The following LRBA variants were observed in gnomAD, a reference collection of about 807,000 sequenced individuals.
The protein encoded by LRBA is LPS responsive beige-like anchor protein, also known as lipopolysaccharide-responsive and beige-like anchor protein.
LRBA carries 176 observed loss-of-function variants against 330.0 expected under a neutral mutation model. The observed-to-expected ratio is 0.53, with a 90% CI of 0.47 to 0.60. The LOEUF is 0.60. LRBA is among the 20% of genes least tolerant of loss of function. LRBA has a pLI of 0.00. For missense variants in LRBA, 3,259 were observed against 3,444.8 expected (o/e 0.95, Z 1.35); for synonymous variants, 1,230 against 1,193.0 (o/e 1.03, Z -0.64).
chr4:150,373,534 T>C (rs1022041436), intron 47 of LRBA, among the ~76,000 whole-genome samples: 5 of 152,198 alleles, frequency 3.3e-5, no homozygotes, highest in Non-Finnish European at 5.9e-5. Flanking sequence ...CTTCTACATA[T>C]GGGCTGCCAT....
intron 47 of LRBA, among the ~76,000 whole-genome samples, chr4:150,380,899 T>G (rs1178830523): frequency 1.4e-5 from 2 of 146,310 alleles, no homozygotes; most frequent in Admixed American, 1.4e-4. Context: ...GGAGAATCAC[T>G]TGAACTGGGG....
chr4:150,910,716 AT>A (rs1731892477), intron 9 of LRBA, among the ~76,000 whole-genome samples: 1 of 152,124 alleles, frequency 6.6e-6, no homozygotes, highest in Non-Finnish European at 1.5e-5. Flanking sequence ...TGCCATTGGG[AT>A]TTTGATAAGA....
intron 37 of LRBA, among the ~76,000 whole-genome samples, chr4:150,614,160 C>A (rs528664109): frequency 6.6e-6 from 1 of 152,158 alleles, no homozygotes; most frequent in Non-Finnish European, 1.5e-5. Flanking sequence ...TGATTAAAGG[C>A]TTACCCTTTC....
intron 40 of LRBA, among the ~76,000 whole-genome samples, chr4:150,563,650 A>C (rs879850694): frequency 6.6e-6 from 1 of 152,210 alleles, no homozygotes; most frequent in Non-Finnish European, 1.5e-5. Context: ...ATATCAGCCC[A>C]AAAACTCCTT....
At chr4:150,373,030 T>G (rs111685737) in intron 47 of LRBA, among the ~76,000 whole-genome samples, 7 of 152,094 alleles carry the variant, frequency 4.6e-5, no homozygotes, top group African/African-American at 1.7e-4. Flanking sequence ...CCTGCCAACA[T>G]GTCAACAATG....
intron 47 of LRBA, among the ~76,000 whole-genome samples, chr4:150,358,886 C>T (rs1738265091): frequency 6.6e-6 from 1 of 152,188 alleles, no homozygotes; most frequent in African/African-American, 2.4e-5. Context: ...AGAATCTCTA[C>T]TTATTGCCAG....
At chr4:150,620,566 C>G (rs905382430) in intron 37 of LRBA, among the ~76,000 whole-genome samples, 4 of 152,092 alleles carry the variant, frequency 2.6e-5, no homozygotes, top group African/African-American at 9.6e-5. Flanking sequence ...AAGTGCCCAT[C>G]GAACAATGAA....
chr4:150,676,198 T>G (rs926518154), intron 37 of LRBA, among the ~76,000 whole-genome samples: 2 of 152,200 alleles, frequency 1.3e-5, no homozygotes, highest in African/African-American at 4.8e-5. Context: ...TGCACAGTGC[T>G]CTTTCCATAA....
chr4:150,861,118 G>A (rs1430115587), intron 22 of LRBA, among the ~76,000 whole-genome samples: 2 of 152,028 alleles, frequency 1.3e-5, no homozygotes, highest in African/African-American at 4.8e-5. Context: ...TTTAACAAAA[G>A]ACTGAGTCTC....
Position 150,852,252 on chromosome 4 carries a change from T to C in LRBA, c.3458A>G (p.Lys1153Arg). 6.2e-7 allele frequency: 1 copy of C among 1,614,070 alleles called. No individual in the cohort carries two copies. Among genetic ancestry groups the C allele is most frequent in the Non-Finnish European group, 8.5e-7 (1 of 1,179,984 alleles). ...AGGTTTTCCTTCTTGAAATATTAAT[T>C]TGTCATCATTACCAAACATGTCCAG... is the stretch of plus-strand genomic sequence containing the variant. ...EKLDMFGNDD[K>R]LIFQEGKPVT... is the part of the protein sequence containing the mutation. Residue 1153 changes from lysine to arginine, a missense_variant, in exon 23 of 57, where the codon AAA (lysine) becomes AGA (arginine). Transcript: ENST00000651943.
chr4:150,798,088 C>T lies in LRBA; in HGVS notation c.5573G>A (p.Cys1858Tyr). ...SSVVELVMLL[C>Y]SQEWQNSIQK... is the part of the protein sequence containing the mutation. ...TTTATTCTTGCCACTCACCTGAGAA[C>T]ACAGTAGCATAACCAATTCCACAAC... Residue 1858 changes from cysteine (C) to tyrosine (Y), a missense_variant, in exon 34 of 57, where the codon TGT becomes TAT. Physicochemically the swap from Cys to Tyr is radical, Grantham distance 194 (BLOSUM62 -2). Coordinates refer to ENST00000651943, the MANE Select transcript of LRBA (RefSeq NM_001364905.1). 6.2e-7 allele frequency: 1 copy of T among 1,603,154 alleles called. No homozygotes were observed. The highest frequency in any genetic ancestry group is 8.5e-7 in the Non-Finnish European group (1 of 1,170,562).
intron 17 of LRBA, among the ~76,000 whole-genome samples, chr4:150,881,864 A>G (rs1044467810): frequency 6.6e-6 from 1 of 152,196 alleles, no homozygotes; most frequent in Non-Finnish European, 1.5e-5. Flanking sequence ...AGGTGGGCGG[A>G]TCACCTGAGG....
At chr4:150,924,846 T>C (rs561111177) in intron 4 of LRBA, among the ~76,000 whole-genome samples, 1 of 152,318 alleles carries the variant, frequency 6.6e-6, no homozygotes, top group African/African-American at 2.4e-5. Context: ...TAGGCAACTA[T>C]ATTAACATGT....
intron 35 of LRBA, among the ~76,000 whole-genome samples, chr4:150,758,486 A>C (rs1256135923): frequency 6.6e-6 from 1 of 150,618 alleles, no homozygotes; most frequent in Non-Finnish European, 1.5e-5. Flanking sequence ...ACCACTTCTT[A>C]CCTCCTCTAC....
chr4:150,777,390 A>C (rs1015699972), intron 34 of LRBA, among the ~76,000 whole-genome samples: 2 of 152,166 alleles, frequency 1.3e-5, no homozygotes, highest in Non-Finnish European at 2.9e-5. Context: ...TAAAGAAAAA[A>C]AAAATTTTAA....
At chr4:150,693,563 CAAAAAAAAAA>C (rs70941428) in intron 36 of LRBA, among the ~76,000 whole-genome samples, 1 of 52,710 alleles carries the variant, frequency 1.9e-5, no homozygotes, top group Non-Finnish European at 3.5e-5. Context: ...GACTCCGTCT[CAAAAAAAAAA>C]AAAAAAAAAA....
rs532757391 is a variant in LRBA, at chr4:150,964,693, G to A, written c.217-35628C>T. On this transcript the variant is annotated intron_variant, in intron 2 of 56. Transcript: ENST00000651943. The stretch of plus-strand genomic sequence containing the variant: ...CAGGGACACAAACACTGCAGAAGGC[G>A]GCAGGGCCCTCTGCCTAGGAAAACC... 2.2e-3 allele frequency among the ~76,000 whole-genome samples: 328 copies of A among 151,908 alleles called. 2 individuals carry two copies. Among genetic ancestry groups the A allele is most frequent in the African/African-American group, 6.6e-3 (272 of 41,312 alleles).
Position 150,955,526 on chromosome 4 carries a change from G to A in LRBA, c.217-26461C>T, listed in dbSNP as rs1737448103. On this transcript the variant is annotated intron_variant, in intron 2 of 56. Transcript: ENST00000651943. ...CTAGCTACTCAGGAGGCTGACGCAG[G>A]AAGATTGCTTGAGCCCAGGAGTTCG... 1.3e-5 allele frequency among the ~76,000 whole-genome samples: 2 copies of A among 148,852 alleles called. 1 individual carries two copies. The highest frequency in any genetic ancestry group is 4.1e-4 in the South Asian group (2 of 4,822).
intron 37 of LRBA, among the ~76,000 whole-genome samples, chr4:150,630,503 T>A (rs1375957955): frequency 6.7e-6 from 1 of 148,338 alleles, no homozygotes; most frequent in East Asian, 2.0e-4. Context: ...ATATCAGTAA[T>A]CATGTCATAT....
Sources: gnomAD v4.1 joint callset for allele counts (sites outside exome capture counted in the v4.1 genomes callset) on GRCh38, gnomAD v4.1.1 for gene constraint, MANE v1.5 for transcripts, NCBI Gene and HGNC (gene_info 2026-07-23, HGNC 2026-07-21) for gene names.